The following DCC variants were observed in gnomAD, a reference collection of about 807,000 sequenced individuals.
DCC encodes DCC netrin 1 receptor, also known as netrin receptor DCC.
DCC carries 58 observed loss-of-function variants against 172.5 expected under a neutral mutation model. The ratio of observed to expected loss-of-function variants is 0.34; its 90% CI spans 0.27 to 0.42. The LOEUF (loss-of-function observed/expected upper bound fraction) is 0.42, where lower values mean the gene tolerates loss of function less well. DCC is among the 10% of genes least tolerant of loss of function. The probability of loss-of-function intolerance (pLI) is 1.00; values close to 1 mark genes in which losing one functional copy is unlikely to be tolerated. For synonymous variants in DCC, 709 were observed against 644.5 expected (o/e 1.10, Z -1.52); for missense variants, 1,740 against 1,791.0 (o/e 0.97, Z 0.51).
chr18:52,857,907 T>A (rs2039078895), intron 2 of DCC, among the ~76,000 whole-genome samples: 1 of 152,188 alleles, frequency 6.6e-6, no homozygotes, highest in Admixed American at 6.5e-5. Flanking sequence ...AAACTAACTG[T>A]TGGTCGTGAG....
chr18:53,212,520 C>T (rs1010806642), intron 11 of DCC, among the ~76,000 whole-genome samples: 23 of 152,134 alleles, frequency 1.5e-4, no homozygotes, highest in Admixed American at 1.4e-3. Flanking sequence ...CTCTACTCTC[C>T]TCCCTGACAT....
At chr18:52,476,734 C>CA (rs149288457) in intron 1 of DCC, among the ~76,000 whole-genome samples, 17 of 151,948 alleles carry the variant, frequency 1.1e-4, no homozygotes, top group African/African-American at 3.9e-4. Context: ...TAACTGCTAC[C>CA]AAAAAAACCT....
At chr18:52,352,248 A>G (rs1176835943) in intron 1 of DCC, among the ~76,000 whole-genome samples, 1 of 152,222 alleles carries the variant, frequency 6.6e-6, no homozygotes, top group African/African-American at 2.4e-5. Flanking sequence ...ATTTATCCCG[A>G]GGTAGTCTTT....
chr18:52,393,928 G>A (rs924319726), intron 1 of DCC, among the ~76,000 whole-genome samples: 7 of 152,000 alleles, frequency 4.6e-5, no homozygotes, highest in African/African-American at 1.4e-4. Context: ...ATTTTGTGTT[G>A]TTTCCTAAAT....
intron 1 of DCC, among the ~76,000 whole-genome samples, chr18:52,557,020 G>A (rs993507972): frequency 3.3e-5 from 5 of 152,162 alleles, no homozygotes; most frequent in South Asian, 2.1e-4. Context: ...TACGTAGCAC[G>A]GTAAGGATAA....
intron 11 of DCC, among the ~76,000 whole-genome samples, chr18:53,209,331 A>C (rs545986259): frequency 6.6e-6 from 1 of 152,204 alleles, no homozygotes; most frequent in Non-Finnish European, 1.5e-5. Context: ...ACGAAAACTC[A>C]GGCAGGTGCA....
rs1184334318 is a variant in DCC at position 52,941,483 on chromosome 18, TGTTTGTGTG to T, written c.985+16114_985+16122del. Among the ~76,000 whole-genome samples the T allele has an allele frequency of 5.7e-5, 7 of 122,306 alleles. No homozygotes were observed. In the South Asian group the frequency reaches 1.1e-3, roughly 20 times the overall value. The allele number at this position is 122,306 out of a possible 152,430, so 80.2% of individuals were successfully genotyped here. On this transcript the variant is annotated intron_variant, in intron 5 of 28. Coordinates refer to ENST00000442544, the MANE Select transcript of DCC (RefSeq NM_005215.4). Reference sequence around the variant, plus strand: ...ATATTCTTTAACATACATATATACATGTTTGTGTGTGTGTGTGTGTATATATATATATAC... The same window carrying T: ...ATATTCTTTAACATACATATATACATTGTGTGTGTGTATATATATATATAC...
intron 18 of DCC, among the ~76,000 whole-genome samples, chr18:53,401,369 G>A (rs1274903606): frequency 6.6e-6 from 1 of 151,746 alleles, no homozygotes; most frequent in Non-Finnish European, 1.5e-5. Flanking sequence ...TAAGTACATT[G>A]TCAATGATTA....
chr18:53,470,219 C>G (rs1196361150), intron 25 of DCC, among the ~76,000 whole-genome samples: 6 of 151,964 alleles, frequency 3.9e-5, no homozygotes, highest in Non-Finnish European at 8.8e-5. Flanking sequence ...GGACATTATC[C>G]TGAGGCAGGA....
intron 1 of DCC, among the ~76,000 whole-genome samples, chr18:52,348,209 A>G (rs1307489441): frequency 1.3e-5 from 2 of 152,180 alleles, no homozygotes. Context: ...TTAATTAACC[A>G]TAGTTTATCT....
intron 5 of DCC, among the ~76,000 whole-genome samples, chr18:52,931,063 C>G (rs2040300401): frequency 6.6e-6 from 1 of 151,726 alleles, no homozygotes; most frequent in Admixed American, 6.6e-5. Context: ...TTTTAAAGGT[C>G]TCTCATGGAC....
chr18:52,771,628 C>T (rs1287474507), intron 2 of DCC, among the ~76,000 whole-genome samples: 1 of 152,172 alleles, frequency 6.6e-6, no homozygotes, highest in Non-Finnish European at 1.5e-5. Flanking sequence ...AAAGTTTTCT[C>T]TGTGCTATTT....
intron 1 of DCC, among the ~76,000 whole-genome samples, chr18:52,687,644 T>C (rs1423940262): frequency 1.3e-5 from 2 of 152,154 alleles, no homozygotes; most frequent in Non-Finnish European, 2.9e-5. Context: ...AAATGTATAC[T>C]CAGACTATTT....
At chr18:52,596,328 G>A (rs774242618) in intron 1 of DCC, among the ~76,000 whole-genome samples, 7 of 152,160 alleles carry the variant, frequency 4.6e-5, no homozygotes, top group Non-Finnish European at 7.3e-5. Context: ...GCTACTTCAA[G>A]TGGTGATCTA....
chr18:53,472,661 CT>C, intron 25 of DCC, among the ~76,000 whole-genome samples: 1 of 152,268 alleles, frequency 6.6e-6, no homozygotes, highest in East Asian at 1.9e-4. Context: ...ATTCTCAACT[CT>C]TTTATGTCTT....
intron 24 of DCC, among the ~76,000 whole-genome samples, chr18:53,461,495 C>T (rs1368621480): frequency 1.3e-5 from 2 of 152,158 alleles, no homozygotes; most frequent in East Asian, 1.9e-4. Context: ...CAGCTTTCTA[C>T]ATATGGCTAG....
intron 5 of DCC, among the ~76,000 whole-genome samples, chr18:52,965,927 T>A (rs904992106): frequency 5.9e-5 from 9 of 152,074 alleles, no homozygotes; most frequent in African/African-American, 2.2e-4. Flanking sequence ...ATAAACCCAT[T>A]AATATGAGAG....
intron 5 of DCC, among the ~76,000 whole-genome samples, chr18:52,971,742 A>C (rs1028212505): frequency 1.3e-5 from 2 of 152,116 alleles, no homozygotes; most frequent in Admixed American, 1.3e-4. Flanking sequence ...ACATTATTGG[A>C]TCTCACTCTT....
intron 1 of DCC, among the ~76,000 whole-genome samples, chr18:52,584,869 T>C (rs1477724563): frequency 6.6e-6 from 1 of 151,982 alleles, no homozygotes; most frequent in Non-Finnish European, 1.5e-5. Context: ...GTAATCTACC[T>C]CACTTAATCA....
Sources: allele counts gnomAD v4.1 joint callset (sites outside exome capture counted in the v4.1 genomes callset), GRCh38; gene constraint gnomAD v4.1.1; transcripts MANE v1.5; gene names NCBI Gene and HGNC (gene_info 2026-07-23, HGNC 2026-07-21).